Variants in CELF1 observed in about 807,000 individuals in gnomAD.
The protein encoded by CELF1 is 50 kDa nuclear polyadenylated RNA-binding protein.
CELF1 carries 10 observed loss-of-function variants against 61.8 expected under a neutral mutation model. The ratio of observed to expected loss-of-function variants is 0.16; its 90% CI spans 0.10 to 0.27. The LOEUF (loss-of-function observed/expected upper bound fraction) is 0.27. Ranked by LOEUF, CELF1 falls within the 10% of genes least tolerant of loss-of-function variation. CELF1 has a pLI of 1.00. For missense variants in CELF1, 380 were observed against 639.1 expected, an observed-to-expected ratio of 0.59 and a Z score of 4.37; for synonymous variants, 236 against 225.1, an observed-to-expected ratio of 1.05 and a Z score of -0.43.
Position 47,543,582 on chromosome 11 carries a change from A to G in CELF1, c.-154+9410T>C, listed in dbSNP as rs148328837. ...TCTAAGCCAATTCTATGACAAGACC[A>G]AAGTTATTTTACAAAGGTCTCATCA... On this transcript the variant is annotated intron_variant, in intron 1 of 14. Coordinates refer to ENST00000687097, the MANE Select transcript of CELF1 (RefSeq NM_001376376.1). Among the ~76,000 whole-genome samples the G allele has an allele frequency of 3.0e-3, 454 of 152,322 alleles. 2 individuals carry two copies. Among genetic ancestry groups the G allele is most frequent in the African/African-American group, 0.01 (436 of 41,566 alleles).
chr11:47,511,298 G>A (rs2095138126), intron 1 of CELF1, among the ~76,000 whole-genome samples: 1 of 151,920 alleles, frequency 6.6e-6, no homozygotes, highest in African/African-American at 2.4e-5. Flanking sequence ...TCAGGTCAAA[G>A]ATAGAGGAGG....
chr11:47,510,555 C>T (rs1340827131), intron 1 of CELF1, among the ~76,000 whole-genome samples: 3 of 152,102 alleles, frequency 2.0e-5, no homozygotes, highest in Non-Finnish European at 2.9e-5. Context: ...GGTGTCATCT[C>T]GGCTCACTGC....
At chr11:47,480,553 T>C (rs2082430020) in intron 9 of CELF1, among the ~76,000 whole-genome samples, 1 of 152,172 alleles carries the variant, frequency 6.6e-6, no homozygotes, top group African/African-American at 2.4e-5. Flanking sequence ...CATCATGTAC[T>C]TGCTGGTAGT....
chr11:47,541,726 G>A (rs1174001008), intron 1 of CELF1, among the ~76,000 whole-genome samples: 1 of 7,310 alleles, frequency 1.4e-4, no homozygotes, highest in Non-Finnish European at 3.6e-4. Flanking sequence ...AAGAAAGAAA[G>A]AACGAAAGAA....
intron 12 of CELF1, among the ~76,000 whole-genome samples, chr11:47,476,164 A>G: frequency 6.6e-6 from 1 of 150,838 alleles, no homozygotes. Context: ...CTACACCCAG[A>G]TAATTTTTGT....
chr11:47,489,813 T>C (rs989847801), intron 3 of CELF1, among the ~76,000 whole-genome samples: 12 of 152,278 alleles, frequency 7.9e-5, no homozygotes, highest in Admixed American at 5.2e-4. Context: ...ATTTCAGTTT[T>C]ATTACCTTTA....
chr11:47,506,446 A>T (rs2094507434), intron 1 of CELF1, among the ~76,000 whole-genome samples: 1 of 152,118 alleles, frequency 6.6e-6, no homozygotes, highest in African/African-American at 2.4e-5. Context: ...AGAAAAAAAA[A>T]ATCTCATGTT....
chr11:47,517,855 T>C (rs2095644913), intron 1 of CELF1, among the ~76,000 whole-genome samples: 1 of 152,170 alleles, frequency 6.6e-6, no homozygotes, highest in African/African-American at 2.4e-5. Flanking sequence ...GGTTTCACCA[T>C]GTTGGCCAAG....
intron 9 of CELF1, 139 bp downstream of exon 9, chr11:47,482,556 T>C (rs1408700250): frequency 1.4e-5 from 10 of 700,354 alleles, no homozygotes; most frequent in Admixed American, 2.7e-5. Flanking sequence ...CTAAAAGAAA[T>C]AGTACTACCT....
chr11:47,565,334 A>C (rs1333581689), exon 1 of CELF1: 1 of 207,842 alleles, frequency 4.8e-6, no homozygotes, highest in East Asian at 1.1e-4. Context: ...CGGGGGCCTC[A>C]GTTTCCCACG....
At position 47,507,132 on chromosome 11, in the gene CELF1, A is replaced by G. The variant is rs116754165; in HGVS notation, c.-153-6200T>C. On this transcript the variant is annotated intron_variant, in intron 1 of 14. Transcript: ENST00000687097. Reference sequence around the variant, plus strand: ...TAAACGATGGGGGAAGTAAAATACTAAAAGGTTTAAAAGAGTCTTGCCCTA... The same window carrying G: ...TAAACGATGGGGGAAGTAAAATACTGAAAGGTTTAAAAGAGTCTTGCCCTA... Among the ~76,000 whole-genome samples the G allele has an allele frequency of 2.1e-3, 314 of 152,350 alleles. 1 individual carries two copies. In the Middle Eastern group the frequency reaches 0.024, roughly 12 times the overall value.
chr11:47,537,176 T>TCTGA (rs2096649546), intron 1 of CELF1, among the ~76,000 whole-genome samples: 1 of 152,126 alleles, frequency 6.6e-6, no homozygotes, highest in Non-Finnish European at 1.5e-5. Context: ...CTAGGAGCCT[T>TCTGA]CTGACTGTTC....
At chr11:47,500,981 T>G (rs545950899) in intron 1 of CELF1, 49 bp from the exon 2 acceptor site, 2 of 358,176 alleles carry the variant, frequency 5.6e-6, no homozygotes, top group South Asian at 2.8e-4. Flanking sequence ...GAGTTAACGT[T>G]AAAAAAAAAA....
chr11:47,562,768 G>A (rs991201990), intron 2 of CELF1, among the ~76,000 whole-genome samples: 5 of 151,552 alleles, frequency 3.3e-5, no homozygotes, highest in African/African-American at 9.7e-5. Context: ...GCAGTGGCGC[G>A]ATCTTGGCTT....
intron 1 of CELF1, among the ~76,000 whole-genome samples, chr11:47,501,518 G>A (rs1486972261): frequency 6.6e-6 from 1 of 152,138 alleles, no homozygotes; most frequent in South Asian, 2.1e-4. Flanking sequence ...CTTTAAAAAG[G>A]CTGAGCAACA....
At chr11:47,530,396 G>T (rs2096427447) in intron 1 of CELF1, among the ~76,000 whole-genome samples, 1 of 152,178 alleles carries the variant, frequency 6.6e-6, no homozygotes, top group Non-Finnish European at 1.5e-5. Context: ...GTAAAGGAAG[G>T]CTTAAAAAAC....
chr11:47,486,086 G>A (rs2086782097), intron 6 of CELF1, among the ~76,000 whole-genome samples: 1 of 44,840 alleles, frequency 2.2e-5, no homozygotes. Flanking sequence ...CAGTGAACCC[G>A]GGAGGCGGAG....
intron 1 of CELF1, among the ~76,000 whole-genome samples, chr11:47,517,739 G>A (rs1256823400): frequency 4.0e-5 from 6 of 151,576 alleles, no homozygotes; most frequent in Non-Finnish European, 7.4e-5. Context: ...TGCAACCTCC[G>A]CCTCCCGGGT....
intron 3 of CELF1, among the ~76,000 whole-genome samples, chr11:47,489,935 G>GTTTTTGTTTTTTTTTTTTTTTTT (rs1555170253): frequency 2.1e-5 from 1 of 48,226 alleles, no homozygotes; most frequent in Non-Finnish European, 3.9e-5. Context: ...ATACCATCTT[G>GTTTTTGTTTTTTTTTTTTTTTTT]TTTTTTTTTT....
Sources: gnomAD v4.1 joint callset for allele counts (sites outside exome capture counted in the v4.1 genomes callset) on GRCh38, gnomAD v4.1.1 for gene constraint, MANE v1.5 for transcripts, NCBI Gene and HGNC (gene_info 2026-07-23, HGNC 2026-07-21) for gene names.